SLC33A2: variants seen among roughly 807,000 people sequenced by gnomAD.
SLC33A2 encodes the protein solute carrier family 33 member 2.
chr8:144,510,404 C>G, the SLC33A2 span: 10 of 1,612,668 alleles, frequency 6.2e-6, no homozygotes, highest in South Asian at 9.9e-5. Context: ...CCTGCTGGAC[C>G]ACGGCGTTTC....
At chr8:144,510,326 A>C in the SLC33A2 span, 1 of 1,607,776 alleles carries the variant, frequency 6.2e-7, no homozygotes. Flanking sequence ...CAGATATGGA[A>C]CCTCCCGTGC....
chr8:144,510,729 G>C, the SLC33A2 span: 1 of 1,596,698 alleles, frequency 6.3e-7, no homozygotes. Context: ...AGAGGTGAGG[G>C]GCTGGCCTTG....
At chr8:144,511,018 C>G in the SLC33A2 span, 1 of 1,602,536 alleles carries the variant, frequency 6.2e-7, no homozygotes, top group Non-Finnish European at 8.5e-7. Context: ...TCTGGCCACG[C>G]TGGAGCTGCT....
At chr8:144,509,703 G>A in the SLC33A2 span, 7 of 1,566,754 alleles carry the variant, frequency 4.5e-6, no homozygotes, top group South Asian at 6.9e-5. Flanking sequence ...CGCGCTGGCT[G>A]TGCAGCTGCT....
At chr8:144,510,105 C>T in the SLC33A2 span, 6 of 1,435,196 alleles carry the variant, frequency 4.2e-6, no homozygotes, top group Non-Finnish European at 5.6e-6. Flanking sequence ...CATTACAGGG[C>T]CACGCTCTTT....
At chr8:144,510,084 G>A in the SLC33A2 span, 181 of 1,514,552 alleles carry the variant, frequency 1.2e-4, no homozygotes, top group Non-Finnish European at 1.5e-4. Context: ...TGTCCCCAGG[G>A]GCTTGCAACC....
At chr8:144,509,952 C>G in the SLC33A2 span, 51 of 1,594,162 alleles carry the variant, frequency 3.2e-5, no homozygotes, top group Non-Finnish European at 4.2e-5. Context: ...GCACCTTCTG[C>G]GGGACGTGCT....
At chr8:144,510,593 C>T in the SLC33A2 span, 10 of 1,587,332 alleles carry the variant, frequency 6.3e-6, no homozygotes, top group Non-Finnish European at 7.7e-6. Flanking sequence ...CCACCCCCAT[C>T]CCAGGAAACT....
chr8:144,510,688 G>A, the SLC33A2 span: 22 of 1,565,972 alleles, frequency 1.4e-5, no homozygotes, highest in Non-Finnish European at 1.8e-5. Flanking sequence ...TGGACACCCT[G>A]GGGGCCAGCA....
At chr8:144,509,106 G>T in the SLC33A2 span, 2 of 454,232 alleles carry the variant, frequency 4.4e-6, no homozygotes, top group Non-Finnish European at 7.6e-6. Context: ...GCCGGTGTCC[G>T]GACCGCTCGC....
chr8:144,510,225 G>A, the SLC33A2 span: 1 of 1,416,882 alleles, frequency 7.1e-7, no homozygotes, highest in African/African-American at 1.4e-5. Flanking sequence ...CTCTCGGGCT[G>A]CCCCACTTCT....
the SLC33A2 span, chr8:144,510,838 C>T: frequency 8.7e-6 from 14 of 1,610,700 alleles, no homozygotes; most frequent in Admixed American, 1.7e-5. Flanking sequence ...CTTGGGAGGC[C>T]TGGTCACCAC....
the SLC33A2 span, chr8:144,509,684 G>A: frequency 5.1e-6 from 8 of 1,560,408 alleles, no homozygotes; most frequent in Admixed American, 1.5e-4. Context: ...TGCAGGATGT[G>A]GCCCTGGACG....
At chr8:144,510,102 G>T in the SLC33A2 span, 1 of 1,449,046 alleles carries the variant, frequency 6.9e-7, no homozygotes, top group Non-Finnish European at 9.3e-7. Context: ...ACCCATTACA[G>T]GGCCACGCTC....
At chr8:144,509,205 T>C in the SLC33A2 span, 331 of 959,826 alleles carry the variant, frequency 3.4e-4, no homozygotes, top group Non-Finnish European at 4.5e-4. Context: ...TGTACGACGC[T>C]GACTCTGCCC....
the SLC33A2 span, chr8:144,509,292 C>A: frequency 7.0e-7 from 1 of 1,425,308 alleles, no homozygotes; most frequent in Non-Finnish European, 9.1e-7. Flanking sequence ...GGGACCCCAC[C>A]TGGAACCCGA....
At chr8:144,510,431 C>G in the SLC33A2 span, 159 of 1,612,934 alleles carry the variant, frequency 9.9e-5, no homozygotes, top group Middle Eastern at 9.9e-4. Flanking sequence ...CGAGTTGGGA[C>G]TGTGGAATGG....
the SLC33A2 span, chr8:144,509,549 C>T: frequency 5.3e-6 from 8 of 1,519,860 alleles, no homozygotes; most frequent in Non-Finnish European, 6.1e-6. Flanking sequence ...GGGTGACGCG[C>T]AGCACGGCGG....
chr8:144,510,568 A>T, the SLC33A2 span: 3 of 1,598,608 alleles, frequency 1.9e-6, no homozygotes, highest in Non-Finnish European at 2.6e-6. Context: ...CCAATCCACT[A>T]TACTGACCCA....
Sources: gnomAD v4.1 joint callset for allele counts on GRCh38, gnomAD v4.1.1 for gene constraint, MANE v1.5 for transcripts, NCBI Gene and HGNC (gene_info 2026-07-23, HGNC 2026-07-21) for gene names.